The following NDC1 variants were observed in gnomAD, a reference collection of about 807,000 sequenced individuals.
NDC1 encodes NDC1 transmembrane nucleoporin.
NDC1 carries 24 observed loss-of-function variants against 89.8 expected under a neutral mutation model. That is an observed-to-expected ratio of 0.27 (90% confidence interval 0.19 to 0.38). NDC1 has a LOEUF of 0.38. NDC1 is among the 10% of genes least tolerant of loss of function. The pLI is 1.00. For synonymous variants in NDC1, 296 were observed against 284.8 expected, an observed-to-expected ratio of 1.04 and a Z score of -0.39; for missense variants, 728 against 797.6, an observed-to-expected ratio of 0.91 and a Z score of 1.05.
chr1:53,785,547 G>T (rs917469151), intron 16 of NDC1, among the ~76,000 whole-genome samples: 1 of 152,106 alleles, frequency 6.6e-6, no homozygotes, highest in Non-Finnish European at 1.5e-5. Context: ...GTTAAAGAAA[G>T]AAATGGAGAA....
At chr1:53,800,584 C>A in intron 11 of NDC1, 109 bp downstream of exon 11, 1 of 1,239,800 alleles carries the variant, frequency 8.1e-7, no homozygotes, top group South Asian at 1.3e-5. Context: ...CTCGGCCTCC[C>A]AAAGTGCGGG....
At chr1:53,838,118 C>T in intron 1 of NDC1, 87 bp downstream of exon 1, 1 of 1,288,102 alleles carries the variant, frequency 7.8e-7, no homozygotes, top group Non-Finnish European at 1.1e-6. Context: ...GGGACCGGCC[C>T]TCCCCCGCCC....
Position 53,797,406 on chromosome 1 carries a change from G to A in NDC1, c.1223-262C>T, listed in dbSNP as rs143510763. Among the ~76,000 whole-genome samples the A allele has an allele frequency of 4.8e-3, 725 of 151,966 alleles. 4 individuals carry two copies. The highest frequency in any genetic ancestry group is 8.0e-3 in the Non-Finnish European group (543 of 67,998). ...CCCCATGAATATCTTCATCTTCAAC[G>A]TCAATTTATCTAACTCTAAGCAATT... On this transcript the variant is annotated intron_variant, in intron 11 of 17. Coordinates refer to ENST00000371429, the MANE Select transcript of NDC1 (RefSeq NM_018087.5).
At position 53,766,091 on chromosome 1, in the gene NDC1, G is replaced by GA. The variant is rs1647063639; in HGVS notation, c.*1878dup. 6.6e-6 allele frequency: 1 copy of GA among 152,148 alleles called. No homozygotes were observed. Among genetic ancestry groups the GA allele is most frequent in the African/African-American group, 2.4e-5 (1 of 41,430 alleles). The allele number at this position is 152,148 out of a possible 1,614,324, so 9.4% of individuals were successfully genotyped here. A position where few individuals can be genotyped will look rare whatever the true frequency, so the allele number is the denominator to read the frequency against. On this transcript the variant is annotated 3_prime_UTR_variant, in exon 18 of 18. Coordinates refer to ENST00000371429, the MANE Select transcript of NDC1 (RefSeq NM_018087.5). ...TAGTACACAGCACATTCTCTTAAGA[G>GA]AAAACAGGAATGAACATTCTCAGAA... is the stretch of plus-strand genomic sequence containing the variant.
Position 53,767,139 on chromosome 1 carries a change from T to C in NDC1, c.*831A>G, listed in dbSNP as rs1487024147. On this transcript the variant is annotated 3_prime_UTR_variant, in exon 18 of 18. Coordinates refer to ENST00000371429, the MANE Select transcript of NDC1 (RefSeq NM_018087.5). ...AAAGGGAACATTTCCTGGGTTTTTT[T>C]GCAAACCTTTTTCTCTTGCTTGAAA... is the stretch of plus-strand genomic sequence containing the variant. 1.3e-5 allele frequency: 2 copies of C among 152,226 alleles called. No homozygotes were observed. Among genetic ancestry groups the C allele is most frequent in the Non-Finnish European group, 2.9e-5 (2 of 68,032 alleles). 9.4% of individuals were successfully genotyped at this position (152,226 alleles called of 1,614,324 possible).
chr1:53,776,959 A>G (rs974693865), intron 16 of NDC1, among the ~76,000 whole-genome samples: 3 of 152,214 alleles, frequency 2.0e-5, no homozygotes, highest in Non-Finnish European at 4.4e-5. Context: ...CACTAGATCT[A>G]TAATATACCT....
intron 3 of NDC1, 104 bp from the exon 4 acceptor site, chr1:53,828,277 G>A (rs1648941315): frequency 9.2e-7 from 1 of 1,082,232 alleles, no homozygotes; most frequent in Non-Finnish European, 1.3e-6. Context: ...CAAAGGCAGA[G>A]AGAAATCCAC....
At position 53,769,319 on chromosome 1, in the gene NDC1, T is replaced by C. The variant is rs528338021; in HGVS notation, c.1962-1286A>G. 3.9e-5 allele frequency among the ~76,000 whole-genome samples: 6 copies of C among 152,298 alleles called. No individual in the cohort carries two copies. The East Asian group carries it at 1.2e-3, about 29-fold the overall frequency. On this transcript the variant is annotated intron_variant, in intron 17 of 17. Coordinates refer to ENST00000371429, the MANE Select transcript of NDC1 (RefSeq NM_018087.5). ...GTTGCACATATGTAGGATGAACAAG[T>C]CTAGAGATCTAATGTATAACATGAC...
chr1:53,824,605 G>A (rs1419486136), intron 5 of NDC1, among the ~76,000 whole-genome samples: 2 of 152,172 alleles, frequency 1.3e-5, no homozygotes, highest in Admixed American at 6.5e-5. Flanking sequence ...AGGAGCAGCA[G>A]AAACAGGCTG....
rs565782625 is a variant in NDC1 at position 53,827,715 on chromosome 1, T to C, written c.455+284A>G. ...ATCTCACTTTCTTCATCCTATTACA[T>C]CCCTCTGCATCCATGTCTTAATTTC... On this transcript the variant is annotated intron_variant, in intron 4 of 17. Transcript: ENST00000371429. Among the ~76,000 whole-genome samples the C allele has an allele frequency of 2.0e-5, 3 of 152,304 alleles. No individual in the cohort carries two copies. The South Asian group carries it at 6.2e-4, about 32-fold the overall frequency.
At chr1:53,818,035 G>A (rs1265720367) in intron 6 of NDC1, among the ~76,000 whole-genome samples, 1 of 152,058 alleles carries the variant, frequency 6.6e-6, no homozygotes, top group Non-Finnish European at 1.5e-5. Context: ...ATAAAAAGGA[G>A]GATGTCATTT....
intron 16 of NDC1, among the ~76,000 whole-genome samples, chr1:53,776,273 A>G (rs1439655869): frequency 6.6e-6 from 1 of 152,038 alleles, no homozygotes; most frequent in East Asian, 1.9e-4. Context: ...TTCCTCTTAT[A>G]TGATCAATTT....
At chr1:53,823,071 C>G (rs377524858) in intron 5 of NDC1, among the ~76,000 whole-genome samples, 1 of 152,090 alleles carries the variant, frequency 6.6e-6, no homozygotes, top group African/African-American at 2.4e-5. Context: ...GCAAACCTAC[C>G]CTGCCAGGCA....
intron 16 of NDC1, among the ~76,000 whole-genome samples, chr1:53,777,872 C>T (rs1010158870): frequency 3.9e-5 from 6 of 152,144 alleles, no homozygotes; most frequent in Admixed American, 2.6e-4. Flanking sequence ...TGCACCTCCC[C>T]ACCTAAATTT....
intron 5 of NDC1, among the ~76,000 whole-genome samples, chr1:53,824,018 G>A (rs956499178): frequency 4.6e-5 from 7 of 151,720 alleles, no homozygotes; most frequent in African/African-American, 1.7e-4. Context: ...TGGGTATATC[G>A]TTTGAGTCCA....
rs749809313 is a variant in NDC1 at position 53,835,517 on chromosome 1, G to C, written c.161C>G (p.Pro54Arg). Residue 54 changes from proline (P) to arginine (R), a missense_variant, in exon 2 of 18, where the codon CCT becomes CGT. By Grantham distance (103) the Pro-to-Arg change is moderately radical. Coordinates refer to ENST00000371429, the MANE Select transcript of NDC1 (RefSeq NM_018087.5). ...TCACCTACCAGACAGCCACTGTATA[G>C]GATGAAACAAATCAATCCTGCTGAA... is the stretch of plus-strand genomic sequence containing the variant. ...IIFSRIDLFHPIQWLSDSFSD... is the reference protein window; with the variant it reads ...IIFSRIDLFHRIQWLSDSFSD... 6.8e-6 allele frequency: 11 copies of C among 1,613,450 alleles called. No individual in the cohort carries two copies. The highest frequency in any genetic ancestry group is 8.5e-6 in the Non-Finnish European group (10 of 1,179,654).
At chr1:53,805,034 G>A (rs1278657870) in intron 9 of NDC1, among the ~76,000 whole-genome samples, 1 of 151,988 alleles carries the variant, frequency 6.6e-6, no homozygotes, top group Non-Finnish European at 1.5e-5. Flanking sequence ...ATAAATATTT[G>A]GTGAGTAACC....
intron 5 of NDC1, among the ~76,000 whole-genome samples, chr1:53,825,201 C>T (rs1298281276): frequency 6.6e-6 from 1 of 151,400 alleles, no homozygotes; most frequent in African/African-American, 2.4e-5. Context: ...AGCGGCTGGG[C>T]GTGGTGGCTC....
chr1:53,826,039 T>A, intron 4 of NDC1, 103 bp from the exon 5 acceptor site: 1 of 1,166,454 alleles, frequency 8.6e-7, no homozygotes, highest in Non-Finnish European at 1.2e-6. Flanking sequence ...TTTAATGACT[T>A]AAGAAATGTC....
Sources: allele counts gnomAD v4.1 joint callset (sites outside exome capture counted in the v4.1 genomes callset), GRCh38; gene constraint gnomAD v4.1.1; transcripts MANE v1.5; gene names NCBI Gene and HGNC (gene_info 2026-07-23, HGNC 2026-07-21).